GK: variants seen among roughly 807,000 people sequenced by gnomAD.
GK encodes ATP:glycerol 3-phosphotransferase.
A neutral mutation model predicts 56.4 loss-of-function variants in GK; 9 were observed. That is an observed-to-expected ratio of 0.16 (90% CI 0.10 to 0.28). GK has a LOEUF of 0.28. GK is among the 10% of genes least tolerant of loss of function. GK has a pLI of 1.00. For synonymous variants in GK, 104 were observed against 144.1 expected (o/e 0.72, Z 1.99); for missense variants, 161 against 431.4 (o/e 0.37, Z 5.55).
At chrX:30,667,115 C>T (rs1162295399) in intron 2 of GK, among the ~76,000 whole-genome samples, 2 of 110,525 alleles carry the variant, frequency 1.8e-5, no homozygotes, top group Non-Finnish European at 3.8e-5. Context: ...GATTGCGCCA[C>T]TGCACTCCAG....
intron 18 of GK, among the ~76,000 whole-genome samples, chrX:30,723,476 A>C (rs1036089667): frequency 1.8e-5 from 2 of 111,132 alleles, no homozygotes; most frequent in Non-Finnish European, 3.8e-5. Flanking sequence ...CTTTCCCCCC[A>C]AAAAGAAGAG....
chrX:30,696,705 A>G, intron 8 of GK, 22 bp downstream of exon 8: 8 of 1,111,835 alleles, frequency 7.2e-6, no homozygotes, highest in East Asian at 3.0e-5. Context: ...ACAAACAAAC[A>G]AAAAACACAC....
chrX:30,690,126 G>C (rs1449401282), intron 4 of GK, among the ~76,000 whole-genome samples: 1 of 111,911 alleles, frequency 8.9e-6, no homozygotes, highest in Non-Finnish European at 1.9e-5. Context: ...GAGTAATATA[G>C]AAGAGTTAAC....
intron 4 of GK, among the ~76,000 whole-genome samples, chrX:30,684,666 CAAAAAAAAAAAAAAAA>C (rs60771873): frequency 3.1e-5 from 1 of 32,404 alleles, no homozygotes; most frequent in Non-Finnish European, 5.0e-5. Flanking sequence ...AACTCCATCT[CAAAAAAAAAAAAAAAA>C]AAAAAAAAAA....
chrX:30,692,707 G>T (rs1935020642), intron 5 of GK, among the ~76,000 whole-genome samples: 1 of 110,043 alleles, frequency 9.1e-6, no homozygotes, highest in Admixed American at 9.7e-5. Context: ...TGATCTGCCC[G>T]CCTCAGCCTC....
rs956491864 is a variant in GK at position 30,708,149 on chromosome X, A to G, written c.975+15A>G. 4.9e-6 allele frequency: 4 copies of G among 817,276 alleles called. No homozygotes were observed. Among genetic ancestry groups the G allele is most frequent in the East Asian group, 6.3e-5 (2 of 31,894 alleles). 67.4% of individuals were successfully genotyped at this position (817,276 alleles called of 1,213,427 possible). On this transcript the variant is annotated intron_variant, in intron 13 of 20. Coordinates refer to ENST00000427190, the MANE Select transcript of GK (RefSeq NM_001205019.2). ...ATGCTTTGGAAGTAAGTTCTTTTTA[A>G]TCAATATGGATAATATGACAAACAT...
chrX:30,661,572 G>A (rs1803356261), intron 1 of GK, among the ~76,000 whole-genome samples: 1 of 110,824 alleles, frequency 9.0e-6, no homozygotes, highest in Non-Finnish European at 1.9e-5. Flanking sequence ...CCACTGTCCC[G>A]CATGGACTCC....
At chrX:30,662,867 T>TCC (rs1294040477) in intron 1 of GK, among the ~76,000 whole-genome samples, 1 of 55,202 alleles carries the variant, frequency 1.8e-5, no homozygotes, top group Non-Finnish European at 3.2e-5. Flanking sequence ...CTTTCTTTCT[T>TCC]TCTCTTTCTT....
In GK at chrX:30,720,926, T is replaced by C; in HGVS notation, c.1432T>C (p.Trp478Arg). ...AGGGGCTGCAGAAGGAGTCGGCGTA[T>C]GGAGTCTCGAACCCGAGGATTTGTC... ...AAGAAEGVGVWSLEPEDLSAV... is the reference protein window; with the variant it reads ...AAGAAEGVGVRSLEPEDLSAV... The change falls in exon 18 of 21, where the codon TGG becomes CGG. Residue 478 changes from tryptophan (W) to arginine (R), a missense_variant. Trp to Arg is a moderately radical substitution (Grantham distance 101). Transcript: ENST00000427190. The C allele has an allele frequency of 2.5e-6, 3 of 1,210,792 alleles. No homozygotes were observed.
intron 1 of GK, among the ~76,000 whole-genome samples, chrX:30,661,364 A>T (rs922266135): frequency 1.8e-5 from 2 of 110,403 alleles, no homozygotes; most frequent in African/African-American, 6.6e-5. Flanking sequence ...CTCCTGAATT[A>T]AGAATCTCTC....
At chrX:30,722,129 T>C (rs1374143707) in intron 18 of GK, among the ~76,000 whole-genome samples, 1 of 111,921 alleles carries the variant, frequency 8.9e-6, no homozygotes, top group Non-Finnish European at 1.9e-5. Context: ...GGAATAAGCT[T>C]TCAAATGCAT....
At chrX:30,682,362 A>G (rs1934327052) in intron 4 of GK, among the ~76,000 whole-genome samples, 1 of 111,941 alleles carries the variant, frequency 8.9e-6, no homozygotes, top group Non-Finnish European at 1.9e-5. Context: ...GTTTTGTGAT[A>G]ACCCTTGGCA....
chrX:30,703,581 A>C (rs1490924725), intron 11 of GK, among the ~76,000 whole-genome samples: 1 of 111,908 alleles, frequency 8.9e-6, no homozygotes, highest in Non-Finnish European at 1.9e-5. Context: ...GTCTGAGTGG[A>C]AGAATTTCTG....
chrX:30,708,195 A>G, intron 13 of GK, 61 bp downstream of exon 13: 1 of 628,038 alleles, frequency 1.6e-6, no homozygotes, highest in Non-Finnish European at 2.6e-6. Flanking sequence ...TAAAAATTAC[A>G]GTGTTTTCTA....
intron 8 of GK, 28 bp from the exon 9 acceptor site, chrX:30,697,704 C>T: frequency 1.8e-6 from 2 of 1,087,625 alleles, no homozygotes; most frequent in Non-Finnish European, 2.6e-6. Context: ...ATGCTTCTAT[C>T]CTTCTCTCTC....
chrX:30,704,034 CAAG>C (rs1410902082), intron 11 of GK, among the ~76,000 whole-genome samples: 2 of 102,549 alleles, frequency 2.0e-5, no homozygotes, highest in African/African-American at 7.4e-5. Flanking sequence ...ATGAAATTAC[CAAG>C]AAAAAATATA....
rs1934702960 is a variant in GK, at chrX:30,687,747, G to A, written c.338-3376G>A. The A allele has an allele frequency of 8.0e-5, 21 of 262,786 alleles. No homozygotes were observed. The South Asian group carries it at 9.0e-4, about 11-fold the overall frequency. 21.7% of individuals were successfully genotyped at this position (262,786 alleles called of 1,213,427 possible). On this transcript the variant is annotated intron_variant, in intron 4 of 20. Coordinates refer to ENST00000427190, the MANE Select transcript of GK (RefSeq NM_001205019.2). Reference sequence around the variant, plus strand: ...TTCTCAGAGATTACCTACACAAGGGGCTTAGTCCTCCAGCTTGGGAGTCTT... The same window carrying A: ...TTCTCAGAGATTACCTACACAAGGGACTTAGTCCTCCAGCTTGGGAGTCTT...
In GK at chrX:30,716,237, G is replaced by A. The variant is rs1386220373; in HGVS notation, c.976-2301G>A. Among the ~76,000 whole-genome samples, 26 of 111,860 alleles carry A rather than the reference G, an allele frequency of 2.3e-4. No homozygotes were observed. The Admixed American group carries it at 2.5e-3, about 11-fold the overall frequency. Reference sequence around the variant, plus strand: ...GTACTTGCCTAAAACAATTATGTATGCATTTCTTGGTTAGATGCTATTTAA... The same window carrying A: ...GTACTTGCCTAAAACAATTATGTATACATTTCTTGGTTAGATGCTATTTAA... On this transcript the variant is annotated intron_variant, in intron 13 of 20. Coordinates refer to ENST00000427190, the MANE Select transcript of GK (RefSeq NM_001205019.2).
At chrX:30,664,091 T>G (rs1333411743) in intron 1 of GK, among the ~76,000 whole-genome samples, 7 of 36,550 alleles carry the variant, frequency 1.9e-4, no homozygotes, top group Non-Finnish European at 3.7e-4. Context: ...TTTATATATA[T>G]CTATATATAT....
Sources: gnomAD v4.1 joint callset for allele counts (sites outside exome capture counted in the v4.1 genomes callset) on GRCh38, gnomAD v4.1.1 for gene constraint, MANE v1.5 for transcripts, NCBI Gene and HGNC (gene_info 2026-07-23, HGNC 2026-07-21) for gene names.